Variants in FBN2 observed in about 807,000 individuals in gnomAD.
FBN2 encodes fibrillin 2, also known as fibrillin-2.
In FBN2, 105 loss-of-function variants were observed where a neutral mutation model predicts 355.6. The ratio of observed to expected loss-of-function variants is 0.30; its 90% CI spans 0.25 to 0.35. The LOEUF is 0.35. Among genes scored for constraint, FBN2 ranks in the 10% least tolerant of loss-of-function variants. The pLI, the probability that FBN2 is intolerant of heterozygous loss-of-function variation, is 1.00. For synonymous variants in FBN2, 1,350 were observed against 1,301.2 expected, an observed-to-expected ratio of 1.04 and a Z score of -0.81; for missense variants, 3,280 against 3,758.7, an observed-to-expected ratio of 0.87 and a Z score of 3.33.
intron 48 of FBN2, among the ~76,000 whole-genome samples, chr5:128,299,155 G>T (rs1749632449): frequency 1.3e-5 from 2 of 152,014 alleles, no homozygotes; most frequent in South Asian, 2.1e-4. Context: ...GGGGGTCAGG[G>T]GTCAGGGACC....
chr5:128,342,555 G>C (rs1204613000), intron 25 of FBN2, among the ~76,000 whole-genome samples: 1 of 152,072 alleles, frequency 6.6e-6, no homozygotes, highest in African/African-American at 2.4e-5. Flanking sequence ...TGTATAAGTT[G>C]AGGAACAGGA....
intron 2 of FBN2, among the ~76,000 whole-genome samples, chr5:128,531,967 C>T (rs1259623462): frequency 6.6e-6 from 1 of 152,072 alleles, no homozygotes; most frequent in Non-Finnish European, 1.5e-5. Context: ...GCAGAATTCA[C>T]CCAGAGAAGA....
intron 63 of FBN2, 61 bp downstream of exon 63, chr5:128,263,364 G>A (rs547986971): frequency 1.6e-6 from 2 of 1,234,402 alleles, no homozygotes; most frequent in East Asian, 2.3e-5. Flanking sequence ...AGTGGGGGGT[G>A]GCCTGAACTC....
intron 5 of FBN2, among the ~76,000 whole-genome samples, chr5:128,515,544 T>TC (rs1006354360): frequency 6.6e-6 from 1 of 152,178 alleles, no homozygotes; most frequent in Admixed American, 6.5e-5. Flanking sequence ...TGACTCCTTC[T>TC]CAGCACGCTT....
At chr5:128,461,567 A>T (rs766334708) in intron 6 of FBN2, among the ~76,000 whole-genome samples, 1 of 152,248 alleles carries the variant, frequency 6.6e-6, no homozygotes, top group Non-Finnish European at 1.5e-5. Flanking sequence ...TTATTGCAGC[A>T]GTATTTACAA....
intron 34 of FBN2, among the ~76,000 whole-genome samples, chr5:128,323,103 C>T (rs576860676): frequency 1.3e-5 from 2 of 152,154 alleles, no homozygotes; most frequent in African/African-American, 2.4e-5. Context: ...TTTTGCACAC[C>T]GATTTTGTAT....
At chr5:128,521,249 A>C (rs1304378475) in intron 4 of FBN2, among the ~76,000 whole-genome samples, 1 of 152,218 alleles carries the variant, frequency 6.6e-6, no homozygotes. Context: ...CATTATCCTC[A>C]GCAAACTAAC....
rs1027509655 is a variant in FBN2 at position 128,416,602 on chromosome 5, G to T, written c.953-7803C>A. ...AATTTTTGTATATGGTGAGAGACAG[G>T]GGTCTAGTTCCATTCTTCTGCATAT... On this transcript the variant is annotated intron_variant, in intron 7 of 64. Coordinates refer to ENST00000262464, the MANE Select transcript of FBN2 (RefSeq NM_001999.4). Among the ~76,000 whole-genome samples the T allele has an allele frequency of 1.1e-4, 16 of 152,272 alleles. No homozygotes were observed. In the East Asian group the frequency reaches 2.5e-3, roughly 24 times the overall value.
Position 128,350,910 on chromosome 5 carries a change from G to C in FBN2, c.2770C>G (p.Leu924Val). ...CAGGGGCTCCCCCAGGCGGCTCCGA[G>C]GGTGGCACAGCATTCAGATTTCAGA... ...ATLKSECCAT[L>V]GAAWGSPCER... Residue 924 changes from leucine to valine, a missense_variant, in exon 21 of 65, where the codon CTC (leucine) becomes GTC (valine). Physicochemically the swap from Leu to Val is conservative, Grantham distance 32. This residue lies in a region of FBN2 where 2,284 missense variants were observed against 2,749.5 expected (regional missense o/e 0.83). Transcript: ENST00000262464. 1 of 1,614,154 alleles carries C rather than the reference G, an allele frequency of 6.2e-7. No homozygotes were observed. The highest frequency in any genetic ancestry group is 8.5e-7 in the Non-Finnish European group (1 of 1,180,012).
chr5:128,464,486 A>G (rs1383093127), intron 6 of FBN2, among the ~76,000 whole-genome samples: 1 of 152,136 alleles, frequency 6.6e-6, no homozygotes, highest in Admixed American at 6.6e-5. Flanking sequence ...TTTACACTGT[A>G]TTTTTACATT....
chr5:128,369,001 G>C (rs186311284), intron 16 of FBN2, among the ~76,000 whole-genome samples, 181 bp downstream of exon 16: 1 of 152,022 alleles, frequency 6.6e-6, no homozygotes, highest in African/African-American at 2.4e-5. Context: ...CCTAGAAATC[G>C]TATATAAACA....
At chr5:128,459,899 G>A (rs921206588) in intron 6 of FBN2, among the ~76,000 whole-genome samples, 3 of 152,018 alleles carry the variant, frequency 2.0e-5, no homozygotes, top group Non-Finnish European at 4.4e-5. Flanking sequence ...TTTGAAAACC[G>A]GCACAAGACA....
rs974833536 is a variant in FBN2 at position 128,482,558 on chromosome 5, T to A, written c.629-17637A>T. Among the ~76,000 whole-genome samples the A allele has an allele frequency of 4.6e-5, 7 of 152,278 alleles. 1 individual carries two copies. The South Asian group carries it at 1.5e-3, about 32-fold the overall frequency. ...CGCAATACGAATTTAATTCTTTCAGTTTGTTCACTTGTGGGTAGGAGGTGG... is the reference window on the plus strand; with the variant it reads ...CGCAATACGAATTTAATTCTTTCAGATTGTTCACTTGTGGGTAGGAGGTGG... On this transcript the variant is annotated intron_variant, in intron 5 of 64. Transcript: ENST00000262464.
At chr5:128,274,792 G>T (rs1228918411) in intron 59 of FBN2, 109 bp from the exon 60 acceptor site, 5 of 774,642 alleles carry the variant, frequency 6.5e-6, no homozygotes, top group Non-Finnish European at 9.3e-6. Context: ...ATTTTGTCTA[G>T]ATTTTTGCTG....
intron 7 of FBN2, among the ~76,000 whole-genome samples, chr5:128,429,020 C>T (rs1231614976): frequency 6.6e-6 from 1 of 152,088 alleles, no homozygotes; most frequent in Admixed American, 6.6e-5. Context: ...TGGACAGAGC[C>T]CCTCTCAGGA....
At chr5:128,478,268 G>A (rs1755058040) in intron 5 of FBN2, among the ~76,000 whole-genome samples, 1 of 152,190 alleles carries the variant, frequency 6.6e-6, no homozygotes, top group South Asian at 2.1e-4. Context: ...CCTATGGAAG[G>A]TAAACTCTAA....
chr5:128,305,112 T>C (rs369970542), intron 44 of FBN2, 30 bp from the exon 45 acceptor site: 116 of 1,518,404 alleles, frequency 7.6e-5, no homozygotes, highest in Non-Finnish European at 1.0e-4. Context: ...ATGTTACATG[T>C]ATCTGATTTT....
At chr5:128,416,286 A>T (rs1297092395) in intron 7 of FBN2, among the ~76,000 whole-genome samples, 2 of 152,134 alleles carry the variant, frequency 1.3e-5, no homozygotes, top group African/African-American at 4.8e-5. Flanking sequence ...CAGCCTCCCA[A>T]AGTGTTGGGA....
intron 7 of FBN2, among the ~76,000 whole-genome samples, chr5:128,413,103 G>T (rs1480541143): frequency 1.3e-5 from 2 of 152,176 alleles, no homozygotes; most frequent in East Asian, 1.9e-4. Flanking sequence ...ATGTTTGAGA[G>T]AAACCAGTAA....
Sources: allele counts gnomAD v4.1 joint callset (sites outside exome capture counted in the v4.1 genomes callset), GRCh38; gene constraint gnomAD v4.1.1; regional missense constraint gnomAD v4.1.1; transcripts MANE v1.5; gene names NCBI Gene and HGNC (gene_info 2026-07-23, HGNC 2026-07-21).